FGD5: variants seen among roughly 807,000 people sequenced by gnomAD.
FGD5 encodes FYVE, RhoGEF and PH domain-containing protein 5.
Under a neutral mutation model 133.4 loss-of-function variants are expected in FGD5, and 28 were observed. That is an observed-to-expected ratio of 0.21 (90% CI 0.16 to 0.29). The LOEUF (loss-of-function observed/expected upper bound fraction) is 0.29. Ranked by LOEUF, FGD5 falls within the 10% of genes least tolerant of loss-of-function variation. The pLI is 1.00. For missense variants in FGD5, 1,858 were observed against 1,895.2 expected, an observed-to-expected ratio of 0.98 and a Z score of 0.36; for synonymous variants, 810 against 776.5, an observed-to-expected ratio of 1.04 and a Z score of -0.72.
At position 14,926,045 on chromosome 3, in the gene FGD5, GACCGC is replaced by G. The variant is rs746379284; in HGVS notation, c.4069-24_4069-20del. The G allele has an allele frequency of 3.9e-5, 63 of 1,612,122 alleles. No individual in the cohort carries two copies. Among genetic ancestry groups the G allele is most frequent in the Admixed American group, 5.0e-5 (3 of 59,966 alleles). Reference sequence around the variant, plus strand: ...CTGTGCCTGACCACCGGGGTGGGCTGACCGCTCTGCTTCCCTCCTGCCAGGTGGCT... The same window carrying G: ...CTGTGCCTGACCACCGGGGTGGGCTGTCTGCTTCCCTCCTGCCAGGTGGCT... On this transcript the variant is annotated intron_variant, in intron 17 of 19. Transcript: ENST00000285046.
intron 1 of FGD5, among the ~76,000 whole-genome samples, chr3:14,849,137 C>G (rs536882903): frequency 5.4e-4 from 82 of 152,336 alleles, no homozygotes; most frequent in African/African-American, 1.9e-3. Flanking sequence ...GGGCCTGAGC[C>G]TCAGTGTGTC....
At chr3:14,840,448 A>C (rs971432498) in intron 1 of FGD5, among the ~76,000 whole-genome samples, 1 of 152,130 alleles carries the variant, frequency 6.6e-6, no homozygotes. Context: ...CCCAGCCTAC[A>C]TTTATATTTC....
chr3:14,909,573 T>G (rs1245994801), intron 10 of FGD5, among the ~76,000 whole-genome samples: 1 of 152,160 alleles, frequency 6.6e-6, no homozygotes, highest in African/African-American at 2.4e-5. Context: ...TTAAAAACTG[T>G]GATGGGTCAC....
chr3:14,845,642 C>G (rs951516618), intron 1 of FGD5, among the ~76,000 whole-genome samples: 2 of 152,132 alleles, frequency 1.3e-5, no homozygotes, highest in African/African-American at 4.8e-5. Flanking sequence ...GAGACCCAGA[C>G]CCTGGAGCCT....
At chr3:14,914,448 C>G (rs1477552403) in intron 11 of FGD5, among the ~76,000 whole-genome samples, 1 of 152,208 alleles carries the variant, frequency 6.6e-6, no homozygotes, top group East Asian at 1.9e-4. Flanking sequence ...TACTTTGAAG[C>G]AGGCAGGAGA....
At chr3:14,891,506 C>T (rs1383524457) in intron 4 of FGD5, among the ~76,000 whole-genome samples, 1 of 152,228 alleles carries the variant, frequency 6.6e-6, no homozygotes, top group East Asian at 1.9e-4. Flanking sequence ...AAGACTCAGC[C>T]CCTTGAGGGT....
chr3:14,855,551 T>C (rs2037261631), intron 1 of FGD5, among the ~76,000 whole-genome samples: 1 of 152,238 alleles, frequency 6.6e-6, no homozygotes, highest in South Asian at 2.1e-4. Context: ...ATAGCCATTC[T>C]AACAGGTGTG....
At chr3:14,864,776 G>A (rs2037462881) in intron 2 of FGD5, among the ~76,000 whole-genome samples, 1 of 152,166 alleles carries the variant, frequency 6.6e-6, no homozygotes, top group African/African-American at 2.4e-5. Context: ...GTGAGTTGGG[G>A]GCCACGTCAC....
At chr3:14,847,673 C>T (rs1333344818) in intron 1 of FGD5, among the ~76,000 whole-genome samples, 1 of 152,184 alleles carries the variant, frequency 6.6e-6, no homozygotes, top group African/African-American at 2.4e-5. Context: ...AAAACTTGCC[C>T]AGGGTTGTGT....
chr3:14,926,247 C>A (rs764767252), intron 18 of FGD5, 49 bp downstream of exon 18: 2 of 1,604,684 alleles, frequency 1.2e-6, no homozygotes, highest in African/African-American at 2.7e-5. Context: ...TGTGAAATGA[C>A]CCCCTGGGGC....
rs1325678283 is a variant in FGD5 at position 14,917,346 on chromosome 3, G to A, written c.3489+14G>A. 3.1e-6 allele frequency: 5 copies of A among 1,609,488 alleles called. No homozygotes were observed. The highest frequency in any genetic ancestry group is 3.4e-6 in the Non-Finnish European group (4 of 1,177,944). On this transcript the variant is annotated intron_variant, in intron 12 of 19. Transcript: ENST00000285046. This position sits in a 1 kb window ranked among gnomAD's most constrained non-coding sequence, Gnocchi z 4.1. ...GCCAACATGAAGGTAAATATCTGGT[G>A]CCAGGTACCCCCGGGTTGGGGGACA...
rs915989245 is a variant in FGD5, at chr3:14,839,823, C to G, written c.2525+18227C>G. ...TGGTGGGCACCTGTAGTCCCAGCTA[C>G]TCAGGAGGCTGAGGCAGGAGAATCG... On this transcript the variant is annotated intron_variant, in intron 1 of 19. Transcript: ENST00000285046. 6.6e-5 allele frequency among the ~76,000 whole-genome samples: 10 copies of G among 152,084 alleles called. No homozygotes were observed. The East Asian group carries it at 1.9e-3, about 29-fold the overall frequency.
chr3:14,923,078 C>T lies in FGD5; in HGVS notation c.3840C>T (p.Tyr1280=), dbSNP rs1450124328. ...GCCGGAACTGTTCGCGGAACAAGTA[C>T]CCGCTGAAGTACCTGAAGGACAGGA... ...IVCRNCSRNK[Y]PLKYLKDRMA... is the part of the protein sequence containing the mutation. The change falls in exon 16 of 20, where the codon TAC becomes TAT. Residue 1280 remains tyrosine, a synonymous_variant. Transcript: ENST00000285046. 6.2e-7 allele frequency: 1 copy of T among 1,613,872 alleles called. No individual in the cohort carries two copies. Among genetic ancestry groups the T allele is most frequent in the South Asian group, 1.1e-5 (1 of 91,074 alleles).
At chr3:14,923,687 T>C (rs1322279261) in intron 16 of FGD5, among the ~76,000 whole-genome samples, 1 of 152,172 alleles carries the variant, frequency 6.6e-6, no homozygotes, top group Non-Finnish European at 1.5e-5. Context: ...CAGGTGTATC[T>C]TGGGCCTAAA....
At chr3:14,812,145 G>A (rs1201369668) in intron 1 of FGD5, among the ~76,000 whole-genome samples, 1 of 152,146 alleles carries the variant, frequency 6.6e-6, no homozygotes, top group African/African-American at 2.4e-5. Context: ...TGGGAGTGTG[G>A]CAGCCACCTT....
intron 1 of FGD5, among the ~76,000 whole-genome samples, chr3:14,836,366 G>C (rs1425577486): frequency 6.6e-6 from 1 of 152,222 alleles, no homozygotes; most frequent in Non-Finnish European, 1.5e-5. Flanking sequence ...GCTGGGTTCA[G>C]AGCTGCAGAG....
intron 9 of FGD5, 50 bp from the exon 10 acceptor site, chr3:14,907,590 G>T: frequency 6.4e-7 from 1 of 1,554,662 alleles, no homozygotes; most frequent in Non-Finnish European, 8.8e-7. Context: ...GAGATAAGAC[G>T]CCTGGTAGGG....
Position 14,910,853 on chromosome 3 carries a change from C to A in FGD5, c.3337-8C>A. The A allele has an allele frequency of 1.2e-6, 2 of 1,612,484 alleles. No homozygotes were observed. ...CCTGACCGCCAAGTTCTGCTTCTCT[C>A]CCCACAGGAGTTTCTGAAGGAAGGG... On this transcript the variant is annotated splice_region_variant and splice_polypyrimidine_tract_variant and intron_variant, in intron 10 of 19. Transcript: ENST00000285046.
intron 4 of FGD5, among the ~76,000 whole-genome samples, chr3:14,892,167 C>T (rs1240349203): frequency 2.0e-5 from 3 of 151,684 alleles, no homozygotes; most frequent in African/African-American, 7.3e-5. Flanking sequence ...GCACTTTCTA[C>T]TTTTCAATCC....
Sources: gnomAD v4.1 joint callset for allele counts (sites outside exome capture counted in the v4.1 genomes callset) on GRCh38, gnomAD v4.1.1 for gene constraint, Gnocchi (gnomAD v3.1) non-coding constraint, MANE v1.5 for transcripts, NCBI Gene and HGNC (gene_info 2026-07-23, HGNC 2026-07-21) for gene names.